Variants in XRCC4 observed in about 807,000 individuals in gnomAD.
The protein encoded by XRCC4 is X-ray repair cross complementing 4.
Under a neutral mutation model 39.1 loss-of-function variants are expected in XRCC4, and 28 were observed. That is an observed-to-expected ratio of 0.72 (90% CI 0.53 to 0.98). The LOEUF (loss-of-function observed/expected upper bound fraction) is 0.98, where lower values mean the gene tolerates loss of function less well. Among genes scored for constraint, XRCC4 ranks in the 50% least tolerant of loss-of-function variants. The pLI, the probability that XRCC4 is intolerant of heterozygous loss-of-function variation, is 0.00. For missense variants in XRCC4, 350 were observed against 376.4 expected (o/e 0.93, Z 0.58); for synonymous variants, 123 against 126.4 (o/e 0.97, Z 0.18).
intron 1 of XRCC4, among the ~76,000 whole-genome samples, chr5:83,099,530 A>T (rs17284218): frequency 0.41 from 62,995 of 152,050 alleles, 13,576 homozygotes; most frequent in African/African-American, 0.49. Context: ...CAGACCTTAG[A>T]TCACATCAAT....
At chr5:83,134,496 A>G (rs1201855627) in intron 3 of XRCC4, among the ~76,000 whole-genome samples, 1 of 152,174 alleles carries the variant, frequency 6.6e-6, no homozygotes, top group Non-Finnish European at 1.5e-5. Context: ...ACACGCATCA[A>G]TCAGCACTCT....
intron 1 of XRCC4, among the ~76,000 whole-genome samples, chr5:83,092,138 C>T (rs1323124056): frequency 6.6e-6 from 1 of 152,098 alleles, no homozygotes; most frequent in Non-Finnish European, 1.5e-5. Context: ...AAGTATCTAT[C>T]AGTTATTCAG....
intron 3 of XRCC4, among the ~76,000 whole-genome samples, chr5:83,159,460 G>C (rs1021682780): frequency 1.3e-5 from 2 of 152,120 alleles, no homozygotes; most frequent in Non-Finnish European, 2.9e-5. Context: ...ATAGTGAAAG[G>C]AGAAATGTTT....
chr5:83,222,190 T>G (rs1435624517), intron 6 of XRCC4, among the ~76,000 whole-genome samples: 1 of 152,026 alleles, frequency 6.6e-6, no homozygotes, highest in Non-Finnish European at 1.5e-5. Context: ...TTTATATATT[T>G]TAGGTTAGAT....
intron 3 of XRCC4, among the ~76,000 whole-genome samples, chr5:83,144,552 A>ACCTTC (rs1748354633): frequency 2.6e-5 from 1 of 38,718 alleles, no homozygotes; most frequent in African/African-American, 8.9e-5. Context: ...GTGTCTCCCC[A>ACCTTC]CCCCCCCCCC....
intron 6 of XRCC4, among the ~76,000 whole-genome samples, chr5:83,229,659 CTTTTTT>C (rs61356475): frequency 2.9e-5 from 3 of 103,714 alleles, no homozygotes; most frequent in African/African-American, 7.7e-5. Flanking sequence ...AATGTTTAAA[CTTTTTT>C]TTTTTTTTTT....
At chr5:83,114,017 G>A (rs1746584647) in intron 3 of XRCC4, among the ~76,000 whole-genome samples, 1 of 152,192 alleles carries the variant, frequency 6.6e-6, no homozygotes, top group Non-Finnish European at 1.5e-5. Flanking sequence ...ACACCATATG[G>A]AAGCTGCCAA....
chr5:83,141,861 G>T (rs6894425), intron 3 of XRCC4, among the ~76,000 whole-genome samples: 5 of 151,146 alleles, frequency 3.3e-5, no homozygotes, highest in Non-Finnish European at 4.4e-5. Flanking sequence ...AAAAAATGCT[G>T]TTTCAATCTG....
At chr5:83,282,465 A>G (rs770123900) in intron 7 of XRCC4, among the ~76,000 whole-genome samples, 7 of 152,116 alleles carry the variant, frequency 4.6e-5, no homozygotes, top group African/African-American at 7.2e-5. Flanking sequence ...CACCACTTCA[A>G]TCAGAGTAGT....
chr5:83,232,700 G>T (rs547751466), intron 6 of XRCC4, among the ~76,000 whole-genome samples: 25 of 152,138 alleles, frequency 1.6e-4, no homozygotes, highest in African/African-American at 6.0e-4. Flanking sequence ...CTGGATCATT[G>T]TCATTAAATC....
intron 6 of XRCC4, among the ~76,000 whole-genome samples, chr5:83,223,904 A>G (rs907577704): frequency 1.5e-5 from 2 of 136,204 alleles, no homozygotes; most frequent in African/African-American, 5.6e-5. Context: ...TTTGCTGAGA[A>G]TGATGGTTTC....
rs187054912 is a variant in XRCC4, at chr5:83,329,498, A to G, written c.894-23633A>G. ...AAAAGGAAAAGCACAAATAGTTTTG[A>G]AACATATAAAAATATGGCCGACATC... On this transcript the variant is annotated intron_variant, in intron 7 of 7. Coordinates refer to ENST00000396027, the MANE Select transcript of XRCC4 (RefSeq NM_003401.5). 3.4e-3 allele frequency among the ~76,000 whole-genome samples: 509 copies of G among 149,496 alleles called. 15 individuals are homozygous for G. The East Asian group carries it at 0.1, about 30-fold the overall frequency.
chr5:83,142,633 T>G (rs1371746502), intron 3 of XRCC4, among the ~76,000 whole-genome samples: 1 of 152,118 alleles, frequency 6.6e-6, no homozygotes, highest in Non-Finnish European at 1.5e-5. Flanking sequence ...TTAAGTTTGG[T>G]TAAGTTTGTA....
chr5:83,279,176 C>T (rs1324448676), intron 7 of XRCC4, among the ~76,000 whole-genome samples: 1 of 150,080 alleles, frequency 6.7e-6, no homozygotes, highest in African/African-American at 2.4e-5. Flanking sequence ...AATAGGGATG[C>T]ATAGTGCTGG....
At position 83,104,915 on chromosome 5, in the gene XRCC4, A is replaced by G. The variant is rs1217833140; in HGVS notation, c.-5A>G. The G allele has an allele frequency of 6.2e-7, 1 of 1,612,076 alleles. No homozygotes were observed. ...ATTGTATTCTCCCATTACAGGTATTAAGAAATGGAGAGAAAAATAAGCAGA... is the reference window on the plus strand; with the variant it reads ...ATTGTATTCTCCCATTACAGGTATTGAGAAATGGAGAGAAAAATAAGCAGA... On this transcript the variant is annotated 5_prime_UTR_variant, in exon 2 of 8. Transcript: ENST00000396027.
chr5:83,147,522 G>C (rs1748512251), intron 3 of XRCC4, among the ~76,000 whole-genome samples: 1 of 152,124 alleles, frequency 6.6e-6, no homozygotes, highest in Non-Finnish European at 1.5e-5. Context: ...TGGAAGCAGA[G>C]AGTAGAATGA....
At chr5:83,078,392 A>C (rs1204852128) in intron 1 of XRCC4, among the ~76,000 whole-genome samples, 2 of 152,302 alleles carry the variant, frequency 1.3e-5, no homozygotes, top group South Asian at 4.1e-4. Context: ...TTTGGTTCTA[A>C]ATGTGTGGTG....
intron 7 of XRCC4, among the ~76,000 whole-genome samples, chr5:83,349,671 A>G (rs1757022610): frequency 1.3e-5 from 2 of 152,334 alleles, no homozygotes; most frequent in Middle Eastern, 3.4e-3. Context: ...GATTTTTTTA[A>G]AACAAAATTG....
At chr5:83,097,754 G>C (rs1745747852) in intron 1 of XRCC4, among the ~76,000 whole-genome samples, 1 of 152,088 alleles carries the variant, frequency 6.6e-6, no homozygotes, top group South Asian at 2.1e-4. Context: ...CTTCAGTTCT[G>C]TTAAGTGTCA....
Sources: gnomAD v4.1 joint callset for allele counts (sites outside exome capture counted in the v4.1 genomes callset) on GRCh38, gnomAD v4.1.1 for gene constraint, MANE v1.5 for transcripts, NCBI Gene and HGNC (gene_info 2026-07-23, HGNC 2026-07-21) for gene names.